RSRP1: variants seen among roughly 807,000 people sequenced by gnomAD.
The protein encoded by RSRP1 is arginine and serine rich protein 1, also known as arginine/serine-rich protein 1.
A neutral mutation model predicts 33.0 loss-of-function variants in RSRP1; 37 were observed. The ratio of observed to expected loss-of-function variants is 1.12; its 90% CI spans 0.86 to 1.48. The LOEUF (loss-of-function observed/expected upper bound fraction) is 1.48, where lower values mean the gene tolerates loss of function less well. RSRP1 is among the 40% of genes most tolerant of loss of function. RSRP1 has a pLI of 0.00. For synonymous variants in RSRP1, 167 were observed against 158.7 expected (o/e 1.05, Z -0.40); for missense variants, 402 against 385.3 (o/e 1.04, Z -0.36).
intron 1 of RSRP1, among the ~76,000 whole-genome samples, chr1:25,308,156 T>G (rs1200335921): frequency 8.4e-6 from 1 of 119,758 alleles, no homozygotes; most frequent in Non-Finnish European, 2.0e-5. Flanking sequence ...AAATCTAGAG[T>G]TTTGCATGTG....
upstream of RSRP1, among the ~76,000 whole-genome samples, chr1:25,252,162 C>G (rs1038210933): frequency 2.0e-5 from 3 of 152,120 alleles, no homozygotes; most frequent in South Asian, 2.1e-4. Flanking sequence ...CTCCCAGGTT[C>G]AAGTGATTCT....
intron 1 of RSRP1, among the ~76,000 whole-genome samples, chr1:25,315,500 T>TC: frequency 8.2e-6 from 1 of 121,732 alleles, no homozygotes; most frequent in East Asian, 2.0e-4. Context: ...TTTCTTTCTT[T>TC]CTTTTTTTTT....
In RSRP1 at chr1:25,297,682, C is replaced by G. The variant is rs1477367793; in HGVS notation, c.-67+40296G>C. ...ATGGGCTCCTGGATTCCGGTTTACA[C>G]ACTTCCATTTTCTGCCTTTTCTCTC... On this transcript the variant is annotated intron_variant, in intron 1 of 1. Coordinates refer to the RSRP1 transcript ENST00000561867. Among the ~76,000 whole-genome samples, 6 of 132,270 alleles carry G rather than the reference C, an allele frequency of 4.5e-5. 2 individuals are homozygous for G. Among genetic ancestry groups the G allele is most frequent in the Non-Finnish European group, 1.1e-4 (6 of 56,050 alleles). The allele number at this position is 132,270 out of a possible 152,430, so 86.8% of individuals were successfully genotyped here.
chr1:25,329,237 G>GTTTTTTTTTTTTTTTTTTTTTTTTTTT (rs71014352), intron 1 of RSRP1: 1 of 192,408 alleles, frequency 5.2e-6, no homozygotes, highest in African/African-American at 4.7e-5. Flanking sequence ...ATTATTCCTT[G>GTTTTTTTTTTTTTTTTTTTTTTTTTTT]TTTTTTTTTT....
In RSRP1 at chr1:25,291,142, G is replaced by GGATAGATAGATAGATAGATA; in HGVS notation, c.-66-44114_-66-44113insTATCTATCTATCTATCTATC. Among the ~76,000 whole-genome samples the GGATAGATAGATAGATAGATA allele has an allele frequency of 4.1e-4, 52 of 125,658 alleles. 2 individuals carry two copies. The highest frequency in any genetic ancestry group is 1.5e-3 in the African/African-American group (51 of 34,420). 82.4% of individuals were successfully genotyped at this position (125,658 alleles called of 152,430 possible). A position where few individuals can be genotyped will look rare whatever the true frequency, so the allele number is the denominator to read the frequency against. ...CTCATCTCTAAATAAATAGGTAGGT[G>GGATAGATAGATAGATAGATA]GATAGACAGATAGATAGATAGACAG... On this transcript the variant is annotated intron_variant, in intron 1 of 1. Coordinates refer to the RSRP1 transcript ENST00000561867.
chr1:25,319,929 G>T (rs1256352248), intron 1 of RSRP1, among the ~76,000 whole-genome samples: 1 of 130,162 alleles, frequency 7.7e-6, no homozygotes. Flanking sequence ...ACGCAGTTTT[G>T]CTCTTGTTGC....
chr1:25,276,416 TA>T (rs59061341), intron 1 of RSRP1, among the ~76,000 whole-genome samples: 2,988 of 88,508 alleles, frequency 0.034, 312 homozygotes, highest in African/African-American at 0.08. Flanking sequence ...AATAGTTAAT[TA>T]AAAAAAAAAA....
At position 25,300,432 on chromosome 1, in the gene RSRP1, A is replaced by G. The variant is rs1446624122; in HGVS notation, c.-67+37546T>C. Among the ~76,000 whole-genome samples the G allele has an allele frequency of 5.5e-5, 7 of 126,176 alleles. 2 individuals are homozygous for G. The highest frequency in any genetic ancestry group is 1.9e-4 in the African/African-American group (7 of 36,268). The allele number at this position is 126,176 out of a possible 152,430, so 82.8% of individuals were successfully genotyped here. The stretch of plus-strand genomic sequence containing the variant: ...GAGGCTGAGGTGGGAGGATTGCTTG[A>G]GCCTGGGAGTTGGAGACTACAGTGA... On this transcript the variant is annotated intron_variant, in intron 1 of 1. Coordinates refer to the RSRP1 transcript ENST00000561867.
At chr1:25,261,705 ATTTT>A (rs376795548) in intron 1 of RSRP1, among the ~76,000 whole-genome samples, 29 of 93,678 alleles carry the variant, frequency 3.1e-4, no homozygotes, top group African/African-American at 8.1e-4. Flanking sequence ...CGCCCAGCAG[ATTTT>A]TTTTTTTTTT....
intron 1 of RSRP1, among the ~76,000 whole-genome samples, chr1:25,254,192 GAGCCTTGGTGTAAGTC>G (rs910785042): frequency 6.6e-6 from 1 of 152,154 alleles, no homozygotes; most frequent in Admixed American, 6.5e-5. Context: ...TGCAATTACT[GAGCCTTGGTGTAAGTC>G]AGCTGATCTT....
intron 1 of RSRP1, 41 bp from the exon 2 acceptor site, chr1:25,247,070 G>T: frequency 9.7e-6 from 12 of 1,240,312 alleles, no homozygotes; most frequent in Non-Finnish European, 1.3e-5. Context: ...AGTCGCGGAA[G>T]CCGGCGCCTG....
At chr1:25,284,620 A>T (rs1488879236) in intron 1 of RSRP1, 1 of 1,388,570 alleles carries the variant, frequency 7.2e-7, no homozygotes, top group Admixed American at 1.8e-5. Flanking sequence ...GGGCTTCCTC[A>T]CCTCGAGTTT....
At chr1:25,254,721 A>G (rs965485744) in intron 1 of RSRP1, among the ~76,000 whole-genome samples, 8 of 152,204 alleles carry the variant, frequency 5.3e-5, no homozygotes, top group Non-Finnish European at 1.0e-4. Context: ...GGCGTGAGCC[A>G]CCAGGCCCAG....
Position 25,330,843 on chromosome 1 carries a change from G to C in RSRP1, c.-67+7135C>G, listed in dbSNP as rs749820064. 2.7e-4 allele frequency among the ~76,000 whole-genome samples: 35 copies of C among 129,852 alleles called. 10 individuals carry two copies. Among genetic ancestry groups the C allele is most frequent in the Non-Finnish European group, 3.3e-4 (18 of 55,142 alleles). 85.2% of individuals were successfully genotyped at this position (129,852 alleles called of 152,430 possible). On this transcript the variant is annotated intron_variant, in intron 1 of 1. Coordinates refer to the RSRP1 transcript ENST00000561867. ...CTGGAGGCTGGAAGTTCAAGGTGCC[G>C]GCAAGGTTGGTTTCTGGTGAGACCT...
chr1:25,298,800 G>A (rs1571656767), intron 1 of RSRP1, among the ~76,000 whole-genome samples: 1 of 130,632 alleles, frequency 7.7e-6, no homozygotes, highest in Admixed American at 7.5e-5. Flanking sequence ...AATAAAATAG[G>A]CAAAAGATAT....
At position 25,332,282 on chromosome 1, in the gene RSRP1, C is replaced by G. The variant is rs1452699843; in HGVS notation, c.-67+5696G>C. 2.3e-5 allele frequency among the ~76,000 whole-genome samples: 3 copies of G among 130,556 alleles called. 1 individual carries two copies. The highest frequency in any genetic ancestry group is 5.4e-5 in the Non-Finnish European group (3 of 55,322). 85.6% of individuals were successfully genotyped at this position (130,556 alleles called of 152,430 possible). A position where few individuals can be genotyped will look rare whatever the true frequency, so the allele number is the denominator to read the frequency against. ...GAACTCCTGACCTCAAGTGATCCTC[C>G]TGCCTCGGCCTTCCAAAGTGCTGGG... On this transcript the variant is annotated intron_variant, in intron 1 of 1. Transcript: ENST00000561867.
chr1:25,242,471 G>T lies in RSRP1; in HGVS notation c.*118C>A. 1.6e-6 allele frequency: 1 copy of T among 642,594 alleles called. No homozygotes were observed. The highest frequency in any genetic ancestry group is 2.1e-5 in the South Asian group (1 of 47,192). The allele number at this position is 642,594 out of a possible 1,614,324, so 39.8% of individuals were successfully genotyped here. ...GTGTTAAGTATTTACATCTTTTTGT[G>T]TTGGTTTTTAAATGCACAAGTACCC... On this transcript the variant is annotated 3_prime_UTR_variant, in exon 5 of 5. Coordinates refer to ENST00000243189, the MANE Select transcript of RSRP1 (RefSeq NM_020317.5).
chr1:25,279,772 T>C (rs1381044314), intron 1 of RSRP1, among the ~76,000 whole-genome samples: 1 of 129,014 alleles, frequency 7.8e-6, no homozygotes, highest in East Asian at 2.0e-4. Context: ...CATGAGGCTT[T>C]CATAAACTTT....
At chr1:25,254,883 G>A (rs141033545) in intron 1 of RSRP1, among the ~76,000 whole-genome samples, 57 of 152,290 alleles carry the variant, frequency 3.7e-4, no homozygotes, top group Non-Finnish European at 7.5e-4. Flanking sequence ...TCACTACAAC[G>A]GAAGAACCGA....
Sources: allele counts gnomAD v4.1 joint callset (sites outside exome capture counted in the v4.1 genomes callset), GRCh38; gene constraint gnomAD v4.1.1; transcripts MANE v1.5; gene names NCBI Gene and HGNC (gene_info 2026-07-23, HGNC 2026-07-21).